Variants in CDK13 observed in about 807,000 individuals in gnomAD.
CDK13 encodes the protein cyclin-dependent kinase 13.
A neutral mutation model predicts 137.6 loss-of-function variants in CDK13; 40 were observed. That is an observed-to-expected ratio of 0.29 (90% confidence interval 0.23 to 0.38). The LOEUF is 0.38. CDK13 is among the 10% of genes least tolerant of loss of function. CDK13 has a pLI of 1.00. For missense variants in CDK13, 1,704 were observed against 1,951.8 expected (o/e 0.87, Z 2.39); for synonymous variants, 869 against 760.1 (o/e 1.14, Z -2.36).
intron 5 of CDK13, among the ~76,000 whole-genome samples, chr7:40,012,774 C>T (rs928395541): frequency 2.6e-5 from 4 of 151,084 alleles, no homozygotes; most frequent in Non-Finnish European, 4.4e-5. Context: ...CAGCTGGGCG[C>T]AGTGGTGGGC....
At chr7:40,007,820 A>G (rs895905757) in intron 5 of CDK13, among the ~76,000 whole-genome samples, 1 of 152,164 alleles carries the variant, frequency 6.6e-6, no homozygotes, top group Non-Finnish European at 1.5e-5. Flanking sequence ...CTTTGTGTTC[A>G]TTGTGTGCAG....
chr7:40,011,735 T>C (rs950928341), intron 5 of CDK13, among the ~76,000 whole-genome samples: 10 of 152,158 alleles, frequency 6.6e-5, no homozygotes, highest in African/African-American at 2.4e-4. Context: ...CAGATGCTTA[T>C]TAGATATGAC....
chr7:39,970,057 C>T (rs1189597249), intron 1 of CDK13, among the ~76,000 whole-genome samples: 2 of 145,708 alleles, frequency 1.4e-5, no homozygotes, highest in Non-Finnish European at 3.0e-5. Flanking sequence ...CTCACTCTGT[C>T]GCCCAGGCAT....
intron 1 of CDK13, 93 bp downstream of exon 1, chr7:39,951,945 T>C: frequency 8.1e-7 from 1 of 1,230,090 alleles, no homozygotes; most frequent in South Asian, 3.5e-5. Context: ...TCAGAACGAC[T>C]CAGGTCCACC....
chr7:40,023,237 T>A (rs1366876515), intron 5 of CDK13, among the ~76,000 whole-genome samples: 1 of 151,890 alleles, frequency 6.6e-6, no homozygotes, highest in African/African-American at 2.4e-5. Context: ...GGACTACAGG[T>A]GTATGCCATC....
intron 5 of CDK13, among the ~76,000 whole-genome samples, chr7:40,027,015 TTAAAC>T (rs1285364376): frequency 6.6e-6 from 1 of 152,190 alleles, no homozygotes; most frequent in Non-Finnish European, 1.5e-5. Context: ...AAAACCCCAT[TTAAAC>T]TAAAAAGACA....
chr7:40,027,785 C>G (rs746109915), intron 5 of CDK13, among the ~76,000 whole-genome samples: 4 of 149,236 alleles, frequency 2.7e-5, no homozygotes, highest in African/African-American at 4.9e-5. Context: ...AGTTCTCTTA[C>G]GAGGTTGAGA....
At chr7:40,034,561 T>C (rs1412507139) in intron 5 of CDK13, among the ~76,000 whole-genome samples, 1 of 152,210 alleles carries the variant, frequency 6.6e-6, no homozygotes, top group Non-Finnish European at 1.5e-5. Context: ...TGTTTATTGA[T>C]GGACATTCAA....
chr7:40,026,859 T>C (rs1785254078), intron 5 of CDK13, among the ~76,000 whole-genome samples: 1 of 152,358 alleles, frequency 6.6e-6, no homozygotes, highest in South Asian at 2.1e-4. Flanking sequence ...CTTCAAGATA[T>C]TTCATTAGCT....
intron 5 of CDK13, among the ~76,000 whole-genome samples, chr7:40,038,828 TG>T (rs1785541398): frequency 6.6e-6 from 1 of 152,124 alleles, no homozygotes; most frequent in Non-Finnish European, 1.5e-5. Context: ...CCCAAGTAGT[TG>T]GGATTACAGT....
intron 5 of CDK13, among the ~76,000 whole-genome samples, chr7:40,004,160 A>G (rs1562723623): frequency 6.6e-6 from 1 of 152,152 alleles, no homozygotes; most frequent in Admixed American, 6.5e-5. Context: ...ATACTTAAAC[A>G]GTACTACTTG....
chr7:40,016,653 A>G (rs1222101498), intron 5 of CDK13, among the ~76,000 whole-genome samples: 2 of 152,186 alleles, frequency 1.3e-5, no homozygotes, highest in East Asian at 3.8e-4. Context: ...TTAAACAAGG[A>G]GGCATAGTTC....
rs1490500126 is a variant in CDK13 at position 39,951,508 on chromosome 7, G to A, written c.867G>A (p.Pro289=). ...HRSRTKSSKE[P]PSAYKEPPKA... Reference sequence around the variant, plus strand: ...GCCGGACTAAGTCGTCCAAGGAGCCGCCTTCGGCCTACAAGGAACCGCCCA... The same window carrying A: ...GCCGGACTAAGTCGTCCAAGGAGCCACCTTCGGCCTACAAGGAACCGCCCA... The change falls in exon 1 of 14, where the codon CCG becomes CCA. Residue 289 remains proline, a synonymous_variant. Transcript: ENST00000181839. The A allele has an allele frequency of 4.6e-6, 7 of 1,533,546 alleles. No homozygotes were observed. The highest frequency in any genetic ancestry group is 4.4e-6 in the Non-Finnish European group (5 of 1,142,054). The allele number at this position is 1,533,546 out of a possible 1,614,324, so 95.0% of individuals were successfully genotyped here.
rs1049548407 is a variant in CDK13, at chr7:39,950,512, C to T, written c.-130C>T. The T allele has an allele frequency of 2.4e-6, 3 of 1,267,924 alleles. No individual in the cohort carries two copies. Among genetic ancestry groups the T allele is most frequent in the South Asian group, 5.6e-5 (2 of 35,840 alleles). The allele number at this position is 1,267,924 out of a possible 1,614,324, so 78.5% of individuals were successfully genotyped here. A position where few individuals can be genotyped will look rare whatever the true frequency, so the allele number is the denominator to read the frequency against. On this transcript the variant is annotated 5_prime_UTR_variant, in exon 1 of 14. Transcript: ENST00000181839. Reference sequence around the variant, plus strand: ...CGAGTCCCGACCCGGATTATCGTGGCGCTTTTCCCGGCCGGCTCTGGTGCT... The same window carrying T: ...CGAGTCCCGACCCGGATTATCGTGGTGCTTTTCCCGGCCGGCTCTGGTGCT...
chr7:39,968,165 T>C (rs1272836363), intron 1 of CDK13, among the ~76,000 whole-genome samples: 1 of 152,228 alleles, frequency 6.6e-6, no homozygotes, highest in African/African-American at 2.4e-5. Flanking sequence ...TTTGTAGGTA[T>C]TTTCTCCTTA....
chr7:40,029,228 A>G (rs1370072039), intron 5 of CDK13, among the ~76,000 whole-genome samples: 1 of 151,582 alleles, frequency 6.6e-6, no homozygotes, highest in South Asian at 2.1e-4. Flanking sequence ...GGAGTTCAAG[A>G]CCAGCCTGGC....
At chr7:39,976,928 A>G (rs1173111528) in intron 1 of CDK13, among the ~76,000 whole-genome samples, 4 of 152,158 alleles carry the variant, frequency 2.6e-5, no homozygotes. Flanking sequence ...GAGTGATACA[A>G]CAATGAATTA....
At chr7:39,961,721 G>A (rs895861097) in intron 1 of CDK13, among the ~76,000 whole-genome samples, 1 of 151,284 alleles carries the variant, frequency 6.6e-6, no homozygotes, top group African/African-American at 2.4e-5. Flanking sequence ...GTGCCATGTT[G>A]GTGTGCTGCA....
At chr7:40,055,874 G>C (rs143986269) in intron 7 of CDK13, among the ~76,000 whole-genome samples, 2 of 152,078 alleles carry the variant, frequency 1.3e-5, no homozygotes, top group South Asian at 4.1e-4. Context: ...GAGCCACCAC[G>C]CCCGGATGGA....
Sources: gnomAD v4.1 joint callset for allele counts (sites outside exome capture counted in the v4.1 genomes callset) on GRCh38, gnomAD v4.1.1 for gene constraint, MANE v1.5 for transcripts, NCBI Gene and HGNC (gene_info 2026-07-23, HGNC 2026-07-21) for gene names.